The following ATP11A variants were observed in gnomAD, a reference collection of about 807,000 sequenced individuals.
ATP11A encodes the protein phospholipid-transporting ATPase IH.
In ATP11A, 81 loss-of-function variants were observed where a neutral mutation model predicts 154.4. That is an observed-to-expected ratio of 0.52 (90% CI 0.44 to 0.63). ATP11A has a LOEUF of 0.63. Ranked by LOEUF, ATP11A falls within the 30% of genes least tolerant of loss-of-function variation. ATP11A has a pLI of 0.00. For synonymous variants in ATP11A, 623 were observed against 585.9 expected (o/e 1.06, Z -0.91); for missense variants, 1,316 against 1,474.3 (o/e 0.89, Z 1.76).
intron 19 of ATP11A, among the ~76,000 whole-genome samples, chr13:112,855,705 A>G (rs78232810): frequency 0.015 from 2,350 of 152,328 alleles, 44 homozygotes; most frequent in African/African-American, 0.051. Flanking sequence ...TTTACCTAAA[A>G]TAGGAATGTT....
At chr13:112,802,921 G>T (rs1209327645) in intron 2 of ATP11A, among the ~76,000 whole-genome samples, 1 of 152,194 alleles carries the variant, frequency 6.6e-6, no homozygotes, top group African/African-American at 2.4e-5. Flanking sequence ...GTGTTTGGAT[G>T]GGTAGGGCGG....
At chr13:112,721,886 G>A (rs1280039196) in intron 1 of ATP11A, among the ~76,000 whole-genome samples, 1 of 152,340 alleles carries the variant, frequency 6.6e-6, no homozygotes, top group East Asian at 1.9e-4. Flanking sequence ...GGTTCACCAG[G>A]CCGTCAGCAC....
At chr13:112,711,389 C>T (rs1049523810) in intron 1 of ATP11A, among the ~76,000 whole-genome samples, 1 of 152,068 alleles carries the variant, frequency 6.6e-6, no homozygotes, top group Non-Finnish European at 1.5e-5. Context: ...ATCAGATCCC[C>T]TGAGCCCAGG....
At chr13:112,872,122 C>T (rs967164984) in intron 26 of ATP11A, among the ~76,000 whole-genome samples, 2 of 152,144 alleles carry the variant, frequency 1.3e-5, no homozygotes, top group African/African-American at 4.8e-5. Flanking sequence ...CTCCCCCCAG[C>T]GCCATCAAAA....
At chr13:112,849,186 C>A (rs1048276147) in intron 17 of ATP11A, among the ~76,000 whole-genome samples, 1 of 152,176 alleles carries the variant, frequency 6.6e-6, no homozygotes, top group African/African-American at 2.4e-5. Context: ...CTGGAATAAA[C>A]CCCACTTGGT....
chr13:112,811,161 A>ACACACACACACACACAC (rs2078484592), intron 5 of ATP11A, among the ~76,000 whole-genome samples: 1 of 115,604 alleles, frequency 8.7e-6, no homozygotes, highest in African/African-American at 3.6e-5. Context: ...TGCCCCTTCC[A>ACACACACACACACACAC]ACACACACAC....
Position 112,866,915 on chromosome 13 carries a change from T to C in ATP11A, c.2991+4340T>C, listed in dbSNP as rs1185732325. The stretch of plus-strand genomic sequence containing the variant: ...AAAGCTTTAAGTTTTCTAGAACTTA[T>C]TCTTTGTCTTCATTTATTTTAATTG... On this transcript the variant is annotated intron_variant, in intron 25 of 29. Coordinates refer to ENST00000375645, the MANE Select transcript of ATP11A (RefSeq NM_015205.3). 6.6e-5 allele frequency among the ~76,000 whole-genome samples: 10 copies of C among 152,290 alleles called. No homozygotes were observed. In the East Asian group the frequency reaches 1.2e-3, roughly 18 times the overall value.
chr13:112,726,217 G>A (rs986183810), intron 1 of ATP11A, among the ~76,000 whole-genome samples: 8 of 151,526 alleles, frequency 5.3e-5, no homozygotes, highest in African/African-American at 1.9e-4. Context: ...GGCACTGCAT[G>A]CGTGCAGGGA....
chr13:112,695,268 A>C (rs1248991750), intron 1 of ATP11A, among the ~76,000 whole-genome samples: 6 of 152,210 alleles, frequency 3.9e-5, no homozygotes, highest in African/African-American at 1.4e-4. Flanking sequence ...CAAGACTAAT[A>C]ATCTGTCTCC....
chr13:112,863,554 G>GGTCC, intron 25 of ATP11A, among the ~76,000 whole-genome samples: 1 of 149,942 alleles, frequency 6.7e-6, no homozygotes, highest in African/African-American at 2.5e-5. Flanking sequence ...TTCCCAGCGG[G>GGTCC]ATCCATCACC....
At position 112,876,793 on chromosome 13, in the gene ATP11A, G is replaced by A. The variant is rs116423156; in HGVS notation, c.3327+852G>A. ...AAGACGGGGAGTGAGTGGGGGCCGG[G>A]GCCCCAGCCCTGACTCACTCACGTA... On this transcript the variant is annotated intron_variant, in intron 28 of 29. Coordinates refer to ENST00000375645, the MANE Select transcript of ATP11A (RefSeq NM_015205.3). Among the ~76,000 whole-genome samples, 627 of 152,280 alleles carry A rather than the reference G, an allele frequency of 4.1e-3. 2 individuals are homozygous for A. The highest frequency in any genetic ancestry group is 0.014 in the African/African-American group (596 of 41,564).
chr13:112,775,855 A>G (rs1278085974), intron 1 of ATP11A, among the ~76,000 whole-genome samples: 1 of 152,200 alleles, frequency 6.6e-6, no homozygotes, highest in Non-Finnish European at 1.5e-5. Flanking sequence ...AGTTCACGAC[A>G]ACCTAGTTTC....
intron 17 of ATP11A, among the ~76,000 whole-genome samples, chr13:112,846,583 T>C (rs1594162558): frequency 6.6e-6 from 1 of 152,126 alleles, no homozygotes; most frequent in African/African-American, 2.4e-5. Flanking sequence ...ACGGTGGCAG[T>C]GACTGTTTAA....
chr13:112,740,535 G>C (rs1309660992), intron 1 of ATP11A, among the ~76,000 whole-genome samples: 1 of 152,134 alleles, frequency 6.6e-6, no homozygotes, highest in Non-Finnish European at 1.5e-5. Flanking sequence ...GGGTAGGAAC[G>C]TTTTACTCTT....
chr13:112,826,422 GGCACAT>G (rs2078935607), intron 11 of ATP11A, among the ~76,000 whole-genome samples: 3 of 152,248 alleles, frequency 2.0e-5, no homozygotes, highest in African/African-American at 7.2e-5. Flanking sequence ...TCCTGTCATC[GGCACAT>G]GCTTGTCTTA....
intron 1 of ATP11A, among the ~76,000 whole-genome samples, chr13:112,723,136 T>C (rs1889387918): frequency 6.6e-6 from 1 of 152,002 alleles, no homozygotes; most frequent in South Asian, 2.1e-4. Flanking sequence ...GTAATGGCAC[T>C]GGGCCCTGTT....
chr13:112,784,311 C>G (rs117031530), intron 1 of ATP11A, among the ~76,000 whole-genome samples: 1 of 152,192 alleles, frequency 6.6e-6, no homozygotes, highest in African/African-American at 2.4e-5. Flanking sequence ...AACTGATATT[C>G]ACACCGCGGG....
At chr13:112,695,255 A>C (rs1433983693) in intron 1 of ATP11A, among the ~76,000 whole-genome samples, 2 of 152,224 alleles carry the variant, frequency 1.3e-5, no homozygotes, top group African/African-American at 2.4e-5. Flanking sequence ...GAGGCATAGA[A>C]TCCAAGACTA....
chr13:112,837,719 A>C (rs1462782448), intron 16 of ATP11A, among the ~76,000 whole-genome samples: 1 of 152,150 alleles, frequency 6.6e-6, no homozygotes, highest in Non-Finnish European at 1.5e-5. Context: ...GCATTTTCCT[A>C]AGATGTGCCG....
Sources: allele counts gnomAD v4.1 joint callset (sites outside exome capture counted in the v4.1 genomes callset), GRCh38; gene constraint gnomAD v4.1.1; transcripts MANE v1.5; gene names NCBI Gene and HGNC (gene_info 2026-07-23, HGNC 2026-07-21).